Variants in SLC24A2 observed in about 807,000 individuals in gnomAD.
SLC24A2 encodes the protein solute carrier family 24 member 2, also known as sodium/potassium/calcium exchanger 2.
SLC24A2 carries 36 observed loss-of-function variants against 62.0 expected under a neutral mutation model. The ratio of observed to expected loss-of-function variants is 0.58; its 90% CI spans 0.44 to 0.77. SLC24A2 has a LOEUF of 0.77. Among genes scored for constraint, SLC24A2 ranks in the 30% least tolerant of loss-of-function variants. The pLI, the probability that SLC24A2 is intolerant of heterozygous loss-of-function variation, is 0.00. For missense variants in SLC24A2, 846 were observed against 817.9 expected, an observed-to-expected ratio of 1.03 and a Z score of -0.42; for synonymous variants, 358 against 294.0, an observed-to-expected ratio of 1.22 and a Z score of -2.23.
chr9:20,301,982 G>A, the SLC24A2 span, among the ~76,000 whole-genome samples: 1 of 152,138 alleles, frequency 6.6e-6, no homozygotes, highest in Non-Finnish European at 1.5e-5. Flanking sequence ...GAATGTCATA[G>A]AGTTGGAATC....
chr9:19,567,592 T>C (rs2132827985), intron 7 of SLC24A2, among the ~76,000 whole-genome samples: 1 of 151,336 alleles, frequency 6.6e-6, no homozygotes, highest in South Asian at 2.1e-4. Flanking sequence ...TATAATTTTA[T>C]CTTTCCTTTT....
At chr9:19,721,514 A>T (rs933305252) in intron 2 of SLC24A2, among the ~76,000 whole-genome samples, 1 of 152,180 alleles carries the variant, frequency 6.6e-6, no homozygotes, top group Non-Finnish European at 1.5e-5. Flanking sequence ...TTCCTTTTTC[A>T]CAATGAAGTT....
the SLC24A2 span, among the ~76,000 whole-genome samples, chr9:19,855,716 T>G: frequency 6.6e-6 from 1 of 152,194 alleles, no homozygotes; most frequent in Non-Finnish European, 1.5e-5. Flanking sequence ...TGGCTGCCCT[T>G]AACACTTTTT....
the SLC24A2 span, among the ~76,000 whole-genome samples, chr9:19,940,175 C>T: frequency 6.6e-6 from 1 of 152,204 alleles, no homozygotes; most frequent in African/African-American, 2.4e-5. Context: ...GGGTTTTTCT[C>T]TGGGACACTC....
At chr9:19,636,469 T>C (rs1392576556) in intron 2 of SLC24A2, among the ~76,000 whole-genome samples, 4 of 149,548 alleles carry the variant, frequency 2.7e-5, no homozygotes, top group African/African-American at 7.5e-5. Flanking sequence ...TCTCACTCTG[T>C]TACCCAGGCT....
chr9:20,174,545 T>C, the SLC24A2 span, among the ~76,000 whole-genome samples: 2 of 150,866 alleles, frequency 1.3e-5, no homozygotes, highest in African/African-American at 2.4e-5. Context: ...GCTAAGGACA[T>C]GAATAGACAT....
At chr9:19,934,508 A>ACCCCCGTTCCGG in the SLC24A2 span, among the ~76,000 whole-genome samples, 6 of 151,454 alleles carry the variant, frequency 4.0e-5, no homozygotes, top group Admixed American at 1.3e-4. The surrounding 1 kb of genome is among the most constrained non-coding windows in gnomAD (Gnocchi z 4.1). Context: ...GTCCCCGCGC[A>ACCCCCGTTCCGG]CCCCCGTTCC....
At chr9:19,597,496 T>G (rs1410563000) in intron 4 of SLC24A2, among the ~76,000 whole-genome samples, 1 of 152,178 alleles carries the variant, frequency 6.6e-6, no homozygotes, top group East Asian at 1.9e-4. Flanking sequence ...GGGGGTAGAG[T>G]GTGCCCTGCA....
chr9:19,804,204 G>C, the SLC24A2 span, among the ~76,000 whole-genome samples: 4 of 152,134 alleles, frequency 2.6e-5, no homozygotes, highest in South Asian at 4.1e-4. Flanking sequence ...TGAACTGGTA[G>C]ATCAATTTGG....
At chr9:20,162,585 A>G in the SLC24A2 span, among the ~76,000 whole-genome samples, 25 of 152,072 alleles carry the variant, frequency 1.6e-4, no homozygotes, top group Non-Finnish European at 1.0e-4. Context: ...TTCTGAAACT[A>G]TTCCAATCAA....
At chr9:20,098,199 T>C in the SLC24A2 span, among the ~76,000 whole-genome samples, 1 of 152,310 alleles carries the variant, frequency 6.6e-6, no homozygotes, top group East Asian at 1.9e-4. Flanking sequence ...AACTGACTAA[T>C]AACACTCAAG....
chr9:19,782,122 T>C (rs1189903510), intron 2 of SLC24A2, among the ~76,000 whole-genome samples: 3 of 152,166 alleles, frequency 2.0e-5, no homozygotes, highest in African/African-American at 7.2e-5. Flanking sequence ...TGCTGTCAGA[T>C]TACAGTGCCA....
At chr9:20,102,419 A>G in the SLC24A2 span, among the ~76,000 whole-genome samples, 5 of 144,796 alleles carry the variant, frequency 3.5e-5, no homozygotes, top group African/African-American at 1.3e-4. Flanking sequence ...GCATGTTCCC[A>G]CTCCTAAGTG....
chr9:19,712,153 T>A (rs1248918635), intron 2 of SLC24A2, among the ~76,000 whole-genome samples: 1 of 152,204 alleles, frequency 6.6e-6, no homozygotes, highest in African/African-American at 2.4e-5. Flanking sequence ...CTCCAGAGAC[T>A]GAGGTCAGTC....
At chr9:19,874,821 T>C in the SLC24A2 span, among the ~76,000 whole-genome samples, 30 of 152,324 alleles carry the variant, frequency 2.0e-4, no homozygotes, top group African/African-American at 7.0e-4. Context: ...TTCCAAATTG[T>C]AAGCAAATAA....
the SLC24A2 span, among the ~76,000 whole-genome samples, chr9:20,212,560 T>C: frequency 1.3e-5 from 2 of 151,694 alleles, no homozygotes; most frequent in African/African-American, 4.9e-5. Flanking sequence ...CATATGTCCA[T>C]CTATACTATG....
the SLC24A2 span, among the ~76,000 whole-genome samples, chr9:20,028,793 C>G: frequency 6.6e-6 from 1 of 152,188 alleles, no homozygotes. Flanking sequence ...AATCTTTTAC[C>G]ACATGTTGTC....
chr9:19,895,546 C>CTTTCTTT, the SLC24A2 span, among the ~76,000 whole-genome samples: 780 of 135,316 alleles, frequency 5.8e-3, 9 homozygotes, highest in African/African-American at 8.4e-3. Context: ...TTCTTTCTTT[C>CTTTCTTT]TTTTTTTTTT....
At chr9:20,104,511 C>T in the SLC24A2 span, among the ~76,000 whole-genome samples, 27 of 152,312 alleles carry the variant, frequency 1.8e-4, no homozygotes, top group African/African-American at 4.3e-4. Context: ...TCAGCAGAAA[C>T]GCTACAAGCC....
Sources: allele counts gnomAD v4.1 joint callset (sites outside exome capture counted in the v4.1 genomes callset), GRCh38; gene constraint gnomAD v4.1.1; non-coding constraint Gnocchi (gnomAD v3.1); transcripts MANE v1.5; gene names NCBI Gene and HGNC (gene_info 2026-07-23, HGNC 2026-07-21).